Variants in FRMD3 observed in about 807,000 individuals in gnomAD.
FRMD3 encodes the protein FERM domain-containing protein 3.
In FRMD3, 33 loss-of-function variants were observed where a neutral mutation model predicts 70.2. That is an observed-to-expected ratio of 0.47 (90% CI 0.36 to 0.63). FRMD3 has a LOEUF of 0.63. FRMD3 is among the 20% of genes least tolerant of loss of function. The pLI is 0.00. For missense variants in FRMD3, 632 were observed against 711.4 expected (o/e 0.89, Z 1.27); for synonymous variants, 279 against 255.9 (o/e 1.09, Z -0.86).
chr9:83,339,941 A>G (rs1823701062), intron 5 of FRMD3, among the ~76,000 whole-genome samples: 2 of 152,224 alleles, frequency 1.3e-5, no homozygotes, highest in African/African-American at 4.8e-5. Context: ...AGGCACAGTC[A>G]TTTAACGAAA....
intron 6 of FRMD3, among the ~76,000 whole-genome samples, chr9:83,322,845 T>A (rs1000800424): frequency 2.0e-5 from 3 of 152,210 alleles, no homozygotes; most frequent in Admixed American, 6.5e-5. Flanking sequence ...CTCTGGTGAA[T>A]CCCAGAAGTC....
chr9:83,364,802 T>C (rs1230300842), intron 3 of FRMD3, among the ~76,000 whole-genome samples: 1 of 152,246 alleles, frequency 6.6e-6, no homozygotes, highest in Non-Finnish European at 1.5e-5. Flanking sequence ...GTGTGAGCGA[T>C]GTCCTTTTTC....
intron 1 of FRMD3, among the ~76,000 whole-genome samples, chr9:83,446,794 C>T (rs182759482): frequency 2.0e-5 from 3 of 152,240 alleles, no homozygotes; most frequent in African/African-American, 7.2e-5. Context: ...TTCCTTTACT[C>T]TGCATATATG....
At chr9:83,550,312 T>C in the FRMD3 span, among the ~76,000 whole-genome samples, 2 of 152,214 alleles carry the variant, frequency 1.3e-5, no homozygotes, top group Admixed American at 1.3e-4. Context: ...TATGTCCCTG[T>C]TTTTATACCT....
intron 3 of FRMD3, among the ~76,000 whole-genome samples, chr9:83,356,387 T>C (rs1824342277): frequency 6.6e-6 from 1 of 150,486 alleles, no homozygotes; most frequent in Non-Finnish European, 1.5e-5. Flanking sequence ...GCCATTCTCC[T>C]GCTTCGGCCT....
At chr9:83,259,655 G>A (rs868089863) in intron 13 of FRMD3, among the ~76,000 whole-genome samples, 3 of 152,246 alleles carry the variant, frequency 2.0e-5, no homozygotes, top group Middle Eastern at 3.4e-3. Flanking sequence ...GGATGGTAGC[G>A]AGAACATTAC....
chr9:83,496,648 A>T (rs1437501794), intron 1 of FRMD3, among the ~76,000 whole-genome samples: 3 of 24,204 alleles, frequency 1.2e-4, no homozygotes, highest in African/African-American at 3.7e-4. Flanking sequence ...AAGCAGATTA[A>T]AAAAAAAATG....
At chr9:83,453,811 G>C (rs150953580) in intron 1 of FRMD3, among the ~76,000 whole-genome samples, 2,057 of 149,654 alleles carry the variant, frequency 0.014, 37 homozygotes, top group African/African-American at 0.048. Context: ...TGCCTCCCAG[G>C]TTCACGCCAT....
chr9:83,247,143 G>A lies in FRMD3; in HGVS notation c.*775C>T. On this transcript the variant is annotated 3_prime_UTR_variant, in exon 14 of 14. Coordinates refer to ENST00000304195, the MANE Select transcript of FRMD3 (RefSeq NM_174938.6). The stretch of plus-strand genomic sequence containing the variant: ...AATACTTTGAAAAATGGACCACCCT[G>A]AGTCCACTTGATGCTCTCAGTTTCT... 1 of 985,244 alleles carries A rather than the reference G, an allele frequency of 1.0e-6. No individual in the cohort carries two copies. The highest frequency in any genetic ancestry group is 1.2e-6 in the Non-Finnish European group (1 of 829,824). The allele number at this position is 985,244 out of a possible 1,614,324, so 61.0% of individuals were successfully genotyped here. A position where few individuals can be genotyped will look rare whatever the true frequency, so the allele number is the denominator to read the frequency against.
chr9:83,542,756 T>C (rs771280961), upstream of FRMD3, among the ~76,000 whole-genome samples: 62 of 152,034 alleles, frequency 4.1e-4, no homozygotes, highest in Non-Finnish European at 7.1e-4. Context: ...AATAAACAAA[T>C]TGATCAGTGG....
At chr9:83,436,781 GAA>G (rs200464485) in intron 1 of FRMD3, among the ~76,000 whole-genome samples, 276 of 132,266 alleles carry the variant, frequency 2.1e-3, no homozygotes, top group Middle Eastern at 4.3e-3. Flanking sequence ...GGACCAAGGG[GAA>G]AAAAAAAAAA....
intron 12 of FRMD3, among the ~76,000 whole-genome samples, 177 bp from the exon 13 acceptor site, chr9:83,290,904 T>A (rs1834393299): frequency 6.6e-6 from 1 of 152,162 alleles, no homozygotes; most frequent in Non-Finnish European, 1.5e-5. Flanking sequence ...TTTCTGCTCT[T>A]AAGGTCCTGA....
In FRMD3 at chr9:83,247,845, A is replaced by G; in HGVS notation, c.*73T>C. On this transcript the variant is annotated 3_prime_UTR_variant, in exon 14 of 14. Transcript: ENST00000304195. ...CCTGTTGACAGCCCCGTGACCCTTCAGAACCAGGCATTTGCTGAAAAAAAG... is the reference window on the plus strand; with the variant it reads ...CCTGTTGACAGCCCCGTGACCCTTCGGAACCAGGCATTTGCTGAAAAAAAG... 5 of 1,562,642 alleles carry G rather than the reference A, an allele frequency of 3.2e-6. No homozygotes were observed. Among genetic ancestry groups the G allele is most frequent in the Non-Finnish European group, 4.3e-6 (5 of 1,154,246 alleles).
intron 1 of FRMD3, among the ~76,000 whole-genome samples, chr9:83,434,237 G>A (rs902256875): frequency 1.3e-5 from 2 of 152,248 alleles, no homozygotes; most frequent in African/African-American, 2.4e-5. Flanking sequence ...CTCTGATGGA[G>A]TTTGAGGTCA....
At chr9:83,283,358 G>A (rs534060315) in intron 13 of FRMD3, among the ~76,000 whole-genome samples, 3 of 151,836 alleles carry the variant, frequency 2.0e-5, no homozygotes, top group South Asian at 4.2e-4. Context: ...GTGAAACCCC[G>A]TCTCTACAAA....
At chr9:83,244,492 A>AT (rs35024969), downstream of FRMD3, 9,641 of 166,306 alleles carry the variant, frequency 0.058, 544 homozygotes, top group African/African-American at 0.17. Flanking sequence ...ATTACCTGGG[A>AT]TTTTTTTTTT....
At chr9:83,440,175 G>A (rs565281978) in intron 1 of FRMD3, among the ~76,000 whole-genome samples, 37 of 152,306 alleles carry the variant, frequency 2.4e-4, no homozygotes, top group Admixed American at 9.1e-4. Flanking sequence ...CTATGCCTGG[G>A]TCATTTCTAA....
At chr9:83,436,240 G>A (rs1827128979) in intron 1 of FRMD3, among the ~76,000 whole-genome samples, 1 of 152,076 alleles carries the variant, frequency 6.6e-6, no homozygotes, top group Non-Finnish European at 1.5e-5. Context: ...AATGTCCGTG[G>A]AAATCCATTA....
the FRMD3 span, among the ~76,000 whole-genome samples, chr9:83,550,566 C>T: frequency 6.6e-6 from 1 of 152,098 alleles, no homozygotes; most frequent in East Asian, 1.9e-4. Flanking sequence ...GTTGATTTTT[C>T]CTATCCACAA....
Sources: allele counts gnomAD v4.1 joint callset (sites outside exome capture counted in the v4.1 genomes callset), GRCh38; gene constraint gnomAD v4.1.1; transcripts MANE v1.5; gene names NCBI Gene and HGNC (gene_info 2026-07-23, HGNC 2026-07-21).